CIZ1: variants seen among roughly 807,000 people sequenced by gnomAD.
CIZ1 encodes cip1-interacting zinc finger protein.
In CIZ1, 58 loss-of-function variants were observed where a neutral mutation model predicts 118.6. The ratio of observed to expected loss-of-function variants is 0.49; its 90% CI spans 0.40 to 0.61. The LOEUF is 0.61. Among genes scored for constraint, CIZ1 ranks in the 20% least tolerant of loss-of-function variants. The pLI is 0.00. For missense variants in CIZ1, 921 were observed against 1,115.9 expected (o/e 0.83, Z 2.49); for synonymous variants, 448 against 443.4 (o/e 1.01, Z -0.13).
rs1045381244 is a variant in CIZ1 at position 128,188,864 on chromosome 9, T to A, written c.287-930A>T. Among the ~76,000 whole-genome samples the A allele has an allele frequency of 2.6e-5, 4 of 151,572 alleles. No homozygotes were observed. In the South Asian group the frequency reaches 8.3e-4, roughly 32 times the overall value. On this transcript the variant is annotated intron_variant, in intron 3 of 16. Transcript: ENST00000372938. The stretch of plus-strand genomic sequence containing the variant: ...GCTGGGCTGGAGTACGGTGGCGCGA[T>A]CTCAGCTCACTGCGACCTCCACCTC...
intron 3 of CIZ1, 61 bp downstream of exon 3, chr9:128,190,268 A>C: frequency 8.6e-7 from 1 of 1,167,436 alleles, no homozygotes. Context: ...GATTTAGAGC[A>C]ATGCGCTGCT....
intron 11 of CIZ1, among the ~76,000 whole-genome samples, chr9:128,173,299 C>G (rs2130924755): frequency 6.6e-6 from 1 of 152,160 alleles, no homozygotes; most frequent in South Asian, 2.1e-4. Context: ...CGCCTGCCAC[C>G]ACGCCCGGCT....
chr9:128,190,497 T>C, intron 2 of CIZ1, 53 bp from the exon 3 acceptor site: 1 of 1,457,122 alleles, frequency 6.9e-7, no homozygotes. Context: ...AGACCTTCCT[T>C]CTTCCCCAAG....
In CIZ1 at chr9:128,180,416, T is replaced by C. The variant is rs397514566; in HGVS notation, c.790A>G (p.Ser264Gly). 14 of 1,612,782 alleles carry C rather than the reference T, an allele frequency of 8.7e-6. No individual in the cohort carries two copies. Among genetic ancestry groups the C allele is most frequent in the Non-Finnish European group, 1.1e-5 (13 of 1,178,920 alleles). Reference protein sequence around the residue: ...ASELPAKRLRSSEEPTEKEPP... With the variant: ...ASELPAKRLRGSEEPTEKEPP... ...GGTCAGGTTTTCAGCATCAGTTACC[T>C]CCTCAATCTCTTTGCTGGCAGCTCG... The change falls in exon 7 of 17, where the codon AGC (serine) becomes GGC (glycine). Residue 264 changes from serine to glycine, a missense_variant and splice_region_variant. Physicochemically the swap from Ser to Gly is moderately conservative, Grantham distance 56. Transcript: ENST00000372938.
Position 128,166,887 on chromosome 9 carries a change from G to A in CIZ1, c.2366-7C>T, listed in dbSNP as rs750980260. 3.1e-6 allele frequency: 5 copies of A among 1,614,094 alleles called. No individual in the cohort carries two copies. Among genetic ancestry groups the A allele is most frequent in the Admixed American group, 1.7e-5 (1 of 60,008 alleles). On this transcript the variant is annotated splice_polypyrimidine_tract_variant and splice_region_variant and intron_variant, in intron 15 of 16. Transcript: ENST00000372938. The surrounding 1 kb of genome is among the most constrained non-coding windows in gnomAD (Gnocchi z 4.4). ...GGCACCAGGAAGTCCACACCTGTAG[G>A]ATGGGATGGCAGGGTCTGCACTCAC...
chr9:128,195,698 A>G (rs1177525232), upstream of CIZ1, among the ~76,000 whole-genome samples: 1 of 152,154 alleles, frequency 6.6e-6, no homozygotes, highest in African/African-American at 2.4e-5. Flanking sequence ...TGATGATGTC[A>G]CATACTTTGA....
chr9:128,187,990 CT>C (rs1832599627), intron 3 of CIZ1, 56 bp from the exon 4 acceptor site: 2 of 509,648 alleles, frequency 3.9e-6, no homozygotes, highest in Admixed American at 2.5e-5. Context: ...TCCATCCCCC[CT>C]GACTCAGTGA....
At chr9:128,194,564 C>A (rs1000437875), upstream of CIZ1, among the ~76,000 whole-genome samples, 1 of 152,038 alleles carries the variant, frequency 6.6e-6, no homozygotes, top group African/African-American at 2.4e-5. Flanking sequence ...CGCCTACAAT[C>A]CCAGCACTTT....
chr9:128,191,896 GC>G, upstream of CIZ1: 1 of 1,443,698 alleles, frequency 6.9e-7, no homozygotes. This position sits in a 1 kb window ranked among gnomAD's most constrained non-coding sequence, Gnocchi z 5.5. Flanking sequence ...GGGGCCCCGC[GC>G]GGGGCTGCGG....
upstream of CIZ1, among the ~76,000 whole-genome samples, chr9:128,193,160 G>T (rs1833278273): frequency 6.6e-6 from 1 of 152,206 alleles, no homozygotes; most frequent in Non-Finnish European, 1.5e-5. Context: ...TTAGAGGCGC[G>T]AAAGTGACTC....
At chr9:128,185,818 C>T (rs760134134) in intron 4 of CIZ1, 42 bp from the exon 5 acceptor site, 100 of 1,437,396 alleles carry the variant, frequency 7.0e-5, no homozygotes, top group Non-Finnish European at 8.3e-5. Flanking sequence ...ACAATGTGGT[C>T]GGGTGGCAGA....
chr9:128,180,604 C>T, intron 6 of CIZ1, 81 bp from the exon 7 acceptor site: 1 of 1,404,666 alleles, frequency 7.1e-7, no homozygotes, highest in African/African-American at 1.4e-5. Flanking sequence ...GCCTGGGCTC[C>T]CCGCCTTCCC....
intron 1 of CIZ1, among the ~76,000 whole-genome samples, chr9:128,201,428 G>A (rs968457927): frequency 1.3e-5 from 2 of 152,172 alleles, no homozygotes; most frequent in Non-Finnish European, 1.5e-5. Context: ...CCAGCCTGGC[G>A]ACAGAGTGAG....
chr9:128,195,598 G>A (rs565422720), upstream of CIZ1, among the ~76,000 whole-genome samples: 2 of 151,730 alleles, frequency 1.3e-5, no homozygotes, highest in Admixed American at 6.6e-5. Context: ...GATTACAAGC[G>A]TGAGCCTCCA....
Position 128,203,795 on chromosome 9 carries a change from G to C in CIZ1, c.-6+391C>G, listed in dbSNP as rs112665081. ...AGCGAGGAGGCCCTCCCCCCACCACGAGAGCCCCTCGGGGCAGCAGCGCCC... is the reference window on the plus strand; with the variant it reads ...AGCGAGGAGGCCCTCCCCCCACCACCAGAGCCCCTCGGGGCAGCAGCGCCC... On this transcript the variant is annotated intron_variant, in intron 1 of 17. Transcript: ENST00000372948. The surrounding 1 kb of genome is among the most constrained non-coding windows in gnomAD (Gnocchi z 5.3). Among the ~76,000 whole-genome samples the C allele has an allele frequency of 0.012, 1,257 of 104,172 alleles. 23 individuals are homozygous for C. The highest frequency in any genetic ancestry group is 0.045 in the African/African-American group (1,204 of 26,630). 68.3% of individuals were successfully genotyped at this position (104,172 alleles called of 152,430 possible).
At chr9:128,186,277 A>G (rs979214996) in intron 4 of CIZ1, among the ~76,000 whole-genome samples, 9 of 152,050 alleles carry the variant, frequency 5.9e-5, no homozygotes, top group Admixed American at 2.6e-4. Flanking sequence ...ACCGATGACA[A>G]AACGGAGACA....
chr9:128,190,535 T>A (rs868669462), intron 2 of CIZ1, 91 bp from the exon 3 acceptor site: 28 of 1,359,070 alleles, frequency 2.1e-5, no homozygotes, highest in Middle Eastern at 2.2e-4. Context: ...TCTGCCCCAC[T>A]CTGTGGTAGA....
upstream of CIZ1, chr9:128,191,817 G>A: frequency 6.9e-7 from 1 of 1,454,566 alleles, no homozygotes; most frequent in Non-Finnish European, 9.1e-7. The surrounding 1 kb of genome is among the most constrained non-coding windows in gnomAD (Gnocchi z 5.5). Flanking sequence ...CCATCCCGCG[G>A]GGCATCGAGG....
upstream of CIZ1, chr9:128,191,885 TGGGGCCCCGCGCG>T: frequency 6.9e-7 from 1 of 1,448,320 alleles, no homozygotes; most frequent in African/African-American, 1.5e-5. This position sits in a 1 kb window ranked among gnomAD's most constrained non-coding sequence, Gnocchi z 5.5. Flanking sequence ...CCTGCGATCC[TGGGGCCCCGCGCG>T]GGGCTGCGGT....
Sources: gnomAD v4.1 joint callset for allele counts (sites outside exome capture counted in the v4.1 genomes callset) on GRCh38, gnomAD v4.1.1 for gene constraint, Gnocchi (gnomAD v3.1) non-coding constraint, MANE v1.5 for transcripts, NCBI Gene and HGNC (gene_info 2026-07-23, HGNC 2026-07-21) for gene names.